TENM3: variants seen among roughly 807,000 people sequenced by gnomAD.
TENM3 encodes teneurin transmembrane protein 3.
Under a neutral mutation model 255.1 loss-of-function variants are expected in TENM3, and 63 were observed. The observed-to-expected ratio is 0.25, with a 90% CI of 0.20 to 0.30. TENM3 has a LOEUF of 0.30. Ranked by LOEUF, TENM3 falls within the 10% of genes least tolerant of loss-of-function variation. The pLI, the probability that TENM3 is intolerant of heterozygous loss-of-function variation, is 1.00. For missense variants in TENM3, 2,929 were observed against 3,461.1 expected, an observed-to-expected ratio of 0.85 and a Z score of 3.86; for synonymous variants, 1,306 against 1,322.3, an observed-to-expected ratio of 0.99 and a Z score of 0.27.
chr4:181,537,972 G>A, the TENM3 span, among the ~76,000 whole-genome samples: 1 of 152,228 alleles, frequency 6.6e-6, no homozygotes, highest in African/African-American at 2.4e-5. Flanking sequence ...ACGTTAGGGG[G>A]AATGGGAAGG....
intron 24 of TENM3, among the ~76,000 whole-genome samples, chr4:182,781,948 T>A (rs2152811212): frequency 6.7e-6 from 1 of 148,300 alleles, no homozygotes; most frequent in Non-Finnish European, 1.5e-5. Flanking sequence ...TCTCTCTTTT[T>A]TTCTTTATTA....
the TENM3 span, among the ~76,000 whole-genome samples, chr4:181,881,536 A>G: frequency 6.6e-6 from 1 of 152,190 alleles, no homozygotes; most frequent in Non-Finnish European, 1.5e-5. Flanking sequence ...CATATCATGT[A>G]CAAAGCATTA....
At chr4:182,356,938 A>C (rs987481744) in intron 3 of TENM3, among the ~76,000 whole-genome samples, 1 of 141,826 alleles carries the variant, frequency 7.1e-6, no homozygotes, top group African/African-American at 2.6e-5. Context: ...TCATTGTTCA[A>C]TTCTCACCTA....
chr4:182,560,642 A>G (rs1743067954), intron 3 of TENM3, among the ~76,000 whole-genome samples: 1 of 152,218 alleles, frequency 6.6e-6, no homozygotes, highest in Non-Finnish European at 1.5e-5. Flanking sequence ...CAGGAGCAGC[A>G]GGAATAAAAC....
the TENM3 span, among the ~76,000 whole-genome samples, chr4:181,648,182 A>T: frequency 6.6e-6 from 1 of 152,100 alleles, no homozygotes; most frequent in Non-Finnish European, 1.5e-5. Flanking sequence ...CTGTTCTGGT[A>T]TGGTAATTAT....
the TENM3 span, among the ~76,000 whole-genome samples, chr4:181,612,528 G>GTGTGTC: frequency 6.6e-6 from 1 of 151,878 alleles, no homozygotes; most frequent in Non-Finnish European, 1.5e-5. Flanking sequence ...GTGTGTCAGA[G>GTGTGTC]AGAGAGAGAG....
At chr4:182,036,874 C>T in the TENM3 span, among the ~76,000 whole-genome samples, 1 of 152,040 alleles carries the variant, frequency 6.6e-6, no homozygotes, top group Non-Finnish European at 1.5e-5. Context: ...TTATAACAAA[C>T]TCAATTTACT....
chr4:181,974,949 T>G, the TENM3 span, among the ~76,000 whole-genome samples: 1 of 152,142 alleles, frequency 6.6e-6, no homozygotes, highest in African/African-American at 2.4e-5. Flanking sequence ...CCATCCTCCC[T>G]GCTTTTGGAG....
chr4:182,609,532 A>T (rs2152428142), intron 4 of TENM3, among the ~76,000 whole-genome samples: 1 of 152,302 alleles, frequency 6.6e-6, no homozygotes. Context: ...CTATTTGATA[A>T]CCCCTCTGAT....
intron 1 of TENM3, among the ~76,000 whole-genome samples, chr4:182,219,592 G>T (rs1216742191): frequency 2.6e-5 from 4 of 152,058 alleles, no homozygotes; most frequent in Non-Finnish European, 5.9e-5. Flanking sequence ...TTGAGCTCAG[G>T]AGGCTGAGGC....
At chr4:182,569,511 G>A (rs184628669) in intron 3 of TENM3, among the ~76,000 whole-genome samples, 209 of 151,136 alleles carry the variant, frequency 1.4e-3, no homozygotes, top group African/African-American at 4.8e-3. Context: ...CCAATATTGC[G>A]CCACTGCACT....
intron 4 of TENM3, among the ~76,000 whole-genome samples, chr4:182,610,108 A>C (rs1297961845): frequency 6.6e-6 from 1 of 152,242 alleles, no homozygotes; most frequent in African/African-American, 2.4e-5. Context: ...ACAGAGATAA[A>C]CTATGAAGTA....
the TENM3 span, among the ~76,000 whole-genome samples, chr4:181,767,094 T>C: frequency 0.3 from 32,233 of 106,704 alleles, 5,885 homozygotes; most frequent in East Asian, 0.48. Context: ...CTACTAAAAA[T>C]ACAAAAAATT....
chr4:182,012,098 C>A, the TENM3 span, among the ~76,000 whole-genome samples: 1 of 152,108 alleles, frequency 6.6e-6, no homozygotes, highest in Non-Finnish European at 1.5e-5. Flanking sequence ...AATTAAGGCC[C>A]CAGAGATCAC....
the TENM3 span, among the ~76,000 whole-genome samples, chr4:181,634,202 T>A: frequency 6.6e-6 from 1 of 152,232 alleles, no homozygotes; most frequent in South Asian, 2.1e-4. Flanking sequence ...ATTTCCCTTT[T>A]ATCGTTCTTG....
At chr4:182,405,451 G>A (rs1278676830) in intron 3 of TENM3, among the ~76,000 whole-genome samples, 1 of 152,216 alleles carries the variant, frequency 6.6e-6, no homozygotes, top group African/African-American at 2.4e-5. Flanking sequence ...ATGGAACTAT[G>A]CTAGACACTA....
the TENM3 span, among the ~76,000 whole-genome samples, chr4:181,537,044 A>G: frequency 1.3e-5 from 2 of 152,178 alleles, no homozygotes; most frequent in African/African-American, 4.8e-5. Context: ...AACTTTTTTT[A>G]AAGGTAATAA....
At chr4:181,907,537 C>G in the TENM3 span, among the ~76,000 whole-genome samples, 1 of 152,132 alleles carries the variant, frequency 6.6e-6, no homozygotes, top group East Asian at 1.9e-4. Context: ...GGTTGTAAAT[C>G]CTGGCCAGAG....
chr4:182,261,600 C>G (rs1758794982), intron 1 of TENM3, among the ~76,000 whole-genome samples: 1 of 152,150 alleles, frequency 6.6e-6, no homozygotes, highest in Non-Finnish European at 1.5e-5. Context: ...ATAAGAAAAG[C>G]AATAGAATAC....
Sources: allele counts gnomAD v4.1 joint callset (sites outside exome capture counted in the v4.1 genomes callset), GRCh38; gene constraint gnomAD v4.1.1; transcripts MANE v1.5; gene names NCBI Gene and HGNC (gene_info 2026-07-23, HGNC 2026-07-21).